HS3ST2: variants seen among roughly 807,000 people sequenced by gnomAD.
HS3ST2 encodes the protein heparan sulfate glucosamine 3-O-sulfotransferase 2.
In HS3ST2, 17 loss-of-function variants were observed where a neutral mutation model predicts 26.3. The observed-to-expected ratio is 0.65, with a 90% CI of 0.44 to 0.97. HS3ST2 has a LOEUF of 0.97. Ranked by LOEUF, HS3ST2 falls within the 50% of genes least tolerant of loss-of-function variation. The probability of loss-of-function intolerance (pLI) is 0.00; values close to 1 mark genes in which losing one functional copy is unlikely to be tolerated. For missense variants in HS3ST2, 402 were observed against 501.2 expected (o/e 0.80, Z 1.89); for synonymous variants, 237 against 219.2 (o/e 1.08, Z -0.72).
At chr16:22,826,051 CT>C in intron 1 of HS3ST2, among the ~76,000 whole-genome samples, 1 of 152,214 alleles carries the variant, frequency 6.6e-6, no homozygotes, top group East Asian at 1.9e-4. Context: ...TTTCAGATCA[CT>C]TTAGTTCCAC....
intron 1 of HS3ST2, among the ~76,000 whole-genome samples, chr16:22,885,648 C>A (rs1046946898): frequency 6.6e-6 from 1 of 151,618 alleles, no homozygotes; most frequent in African/African-American, 2.4e-5. Flanking sequence ...TAGAGACGGG[C>A]CTTCACCGTG....
chr16:22,894,103 G>T (rs1320475094), intron 1 of HS3ST2, among the ~76,000 whole-genome samples: 2 of 152,138 alleles, frequency 1.3e-5, no homozygotes, highest in Non-Finnish European at 2.9e-5. Flanking sequence ...TTCCAGGCAT[G>T]AGCTACCACA....
At chr16:22,839,999 G>C (rs1240147325) in intron 1 of HS3ST2, among the ~76,000 whole-genome samples, 1 of 152,184 alleles carries the variant, frequency 6.6e-6, no homozygotes, top group African/African-American at 2.4e-5. Context: ...ACCAAAAGTA[G>C]CCTTTAACCT....
At chr16:22,882,706 G>A (rs530156445) in intron 1 of HS3ST2, among the ~76,000 whole-genome samples, 5 of 151,978 alleles carry the variant, frequency 3.3e-5, no homozygotes, top group Non-Finnish European at 7.4e-5. Flanking sequence ...ACTCCAGACT[G>A]GGTGACAGAG....
chr16:22,865,794 G>C (rs1423008032), intron 1 of HS3ST2, among the ~76,000 whole-genome samples: 1 of 152,178 alleles, frequency 6.6e-6, no homozygotes, highest in Non-Finnish European at 1.5e-5. Flanking sequence ...TCTGCATTTA[G>C]AGAATTTAGG....
chr16:22,904,315 A>G (rs1441138558), intron 1 of HS3ST2, among the ~76,000 whole-genome samples: 2 of 152,196 alleles, frequency 1.3e-5, no homozygotes, highest in African/African-American at 4.8e-5. Context: ...TAGGTGCTCA[A>G]TAAACGCTTG....
At chr16:22,839,908 C>A (rs1901328098) in intron 1 of HS3ST2, among the ~76,000 whole-genome samples, 1 of 152,152 alleles carries the variant, frequency 6.6e-6, no homozygotes, top group Non-Finnish European at 1.5e-5. Flanking sequence ...TTACAAAGGG[C>A]CTTTCACCTC....
intron 1 of HS3ST2, among the ~76,000 whole-genome samples, chr16:22,835,642 A>G (rs1451033817): frequency 6.6e-6 from 1 of 152,174 alleles, no homozygotes; most frequent in African/African-American, 2.4e-5. Context: ...CCATACTACT[A>G]AGTAACCTGT....
At chr16:22,874,107 C>T (rs1901876706) in intron 1 of HS3ST2, among the ~76,000 whole-genome samples, 1 of 152,152 alleles carries the variant, frequency 6.6e-6, no homozygotes, top group Non-Finnish European at 1.5e-5. Context: ...AGGGCACTAC[C>T]AGAGGGGTTA....
intron 1 of HS3ST2, among the ~76,000 whole-genome samples, chr16:22,912,199 C>T (rs1255664300): frequency 6.6e-6 from 1 of 152,304 alleles, no homozygotes; most frequent in East Asian, 1.9e-4. Context: ...CCATTCAAAC[C>T]TCTACATAGT....
At chr16:22,851,617 T>C (rs1281976422) in intron 1 of HS3ST2, among the ~76,000 whole-genome samples, 1 of 152,218 alleles carries the variant, frequency 6.6e-6, no homozygotes, top group Non-Finnish European at 1.5e-5. Flanking sequence ...CTTTCCTGAT[T>C]CCTGGGAGTT....
At chr16:22,819,226 T>C (rs1900952752) in intron 1 of HS3ST2, among the ~76,000 whole-genome samples, 1 of 149,614 alleles carries the variant, frequency 6.7e-6, no homozygotes, top group Admixed American at 6.7e-5. Context: ...CCTCCTTCCA[T>C]GTTAACAGAA....
At chr16:22,880,681 CTCAGGGAACTCCA>C (rs1419601559) in intron 1 of HS3ST2, among the ~76,000 whole-genome samples, 1 of 152,178 alleles carries the variant, frequency 6.6e-6, no homozygotes, top group African/African-American at 2.4e-5. Context: ...GAGCTGACCA[CTCAGGGAACTCCA>C]TGCCTCCTGC....
At chr16:22,817,734 G>A (rs1156832110) in intron 1 of HS3ST2, among the ~76,000 whole-genome samples, 1 of 152,172 alleles carries the variant, frequency 6.6e-6, no homozygotes, top group Non-Finnish European at 1.5e-5. Flanking sequence ...CCATTGGAGT[G>A]GACTGTGCTT....
At chr16:22,837,661 G>A (rs755471109) in intron 1 of HS3ST2, among the ~76,000 whole-genome samples, 8 of 149,946 alleles carry the variant, frequency 5.3e-5, no homozygotes, top group East Asian at 2.0e-4. Flanking sequence ...GCACACACAC[G>A]TATCTATGAT....
At chr16:22,825,935 A>G (rs544909021) in intron 1 of HS3ST2, among the ~76,000 whole-genome samples, 10 of 152,166 alleles carry the variant, frequency 6.6e-5, no homozygotes, top group Non-Finnish European at 1.2e-4. Context: ...AGGAAGGAGA[A>G]TCACTTGAAC....
chr16:22,851,827 T>G (rs143883576), intron 1 of HS3ST2, among the ~76,000 whole-genome samples: 2 of 152,288 alleles, frequency 1.3e-5, no homozygotes, highest in East Asian at 3.9e-4. Context: ...ACTCCATCAG[T>G]GTTGGGCTTG....
intron 1 of HS3ST2, among the ~76,000 whole-genome samples, chr16:22,885,819 A>G (rs894334879): frequency 3.9e-5 from 6 of 152,214 alleles, no homozygotes; most frequent in African/African-American, 1.4e-4. Flanking sequence ...GACTGAGCAG[A>G]AGGTTCTGCA....
intron 1 of HS3ST2, among the ~76,000 whole-genome samples, chr16:22,820,098 T>A (rs1596602359): frequency 6.6e-6 from 1 of 152,226 alleles, no homozygotes; most frequent in African/African-American, 2.4e-5. Flanking sequence ...TAGGCCTTTA[T>A]ACAGAAATTC....
Sources: allele counts gnomAD v4.1 joint callset (sites outside exome capture counted in the v4.1 genomes callset), GRCh38; gene constraint gnomAD v4.1.1; transcripts MANE v1.5; gene names NCBI Gene and HGNC (gene_info 2026-07-23, HGNC 2026-07-21).